The following SLC22A23 variants were observed in gnomAD, a reference collection of about 807,000 sequenced individuals.
SLC22A23 encodes ion transporter protein.
A neutral mutation model predicts 61.0 loss-of-function variants in SLC22A23; 26 were observed. That is an observed-to-expected ratio of 0.43 (90% CI 0.31 to 0.59). The LOEUF is 0.59. SLC22A23 is among the 20% of genes least tolerant of loss of function. The pLI, the probability that SLC22A23 is intolerant of heterozygous loss-of-function variation, is 0.11. For missense variants in SLC22A23, 796 were observed against 934.7 expected (o/e 0.85, Z 1.94); for synonymous variants, 430 against 413.9 (o/e 1.04, Z -0.47).
At chr6:3,404,059 C>T (rs1272134241) in intron 3 of SLC22A23, among the ~76,000 whole-genome samples, 1 of 152,190 alleles carries the variant, frequency 6.6e-6, no homozygotes, top group Non-Finnish European at 1.5e-5. Context: ...AGACACACTA[C>T]TGAAATTCCA....
At chr6:3,359,159 T>G (rs1161964787) in intron 3 of SLC22A23, among the ~76,000 whole-genome samples, 1 of 152,030 alleles carries the variant, frequency 6.6e-6, no homozygotes, top group East Asian at 1.9e-4. Context: ...TCATTTCAAC[T>G]AAGAAAAAGA....
chr6:3,417,700 T>C (rs1400640974), intron 1 of SLC22A23, among the ~76,000 whole-genome samples: 1 of 152,338 alleles, frequency 6.6e-6, no homozygotes, highest in Non-Finnish European at 1.5e-5. Flanking sequence ...CTCTGAGAAC[T>C]ACTGGCCAAC....
intron 5 of SLC22A23, chr6:3,290,138 T>C (rs1760444222): frequency 1.9e-6 from 1 of 513,994 alleles, no homozygotes; most frequent in Non-Finnish European, 3.5e-6. Context: ...CAAACCCTTG[T>C]TTTGGAACCA....
intron 1 of SLC22A23, among the ~76,000 whole-genome samples, chr6:3,422,769 GCTC>G (rs1453984437): frequency 5.9e-5 from 9 of 151,984 alleles, no homozygotes; most frequent in Non-Finnish European, 1.3e-4. Flanking sequence ...TGCTCAAATT[GCTC>G]CTCATCTTTC....
intron 1 of SLC22A23, among the ~76,000 whole-genome samples, chr6:3,441,286 C>T (rs1219424075): frequency 6.6e-6 from 1 of 152,140 alleles, no homozygotes; most frequent in African/African-American, 2.4e-5. Context: ...CCCTTCTCTC[C>T]TGGATCTCTC....
chr6:3,284,447 G>A (rs772365309), intron 8 of SLC22A23, among the ~76,000 whole-genome samples: 3 of 152,222 alleles, frequency 2.0e-5, no homozygotes, highest in Admixed American at 1.3e-4. Context: ...CAAAGCCCTC[G>A]TAAATGGCAC....
rs943271938 is a variant in SLC22A23 at position 3,387,368 on chromosome 6, G to C, written c.913+22820C>G. Among the ~76,000 whole-genome samples, 1 of 152,102 alleles carries C rather than the reference G, an allele frequency of 6.6e-6. No individual in the cohort carries two copies. Among genetic ancestry groups the C allele is most frequent in the African/African-American group, 2.4e-5 (1 of 41,388 alleles). ...AGTATCAGACAGACCCACATCGAGG[G>C]GCATTCTGCAAAATACCAACCCGTT... On this transcript the variant is annotated intron_variant, in intron 3 of 9. Transcript: ENST00000406686. This position sits in a 1 kb window ranked among gnomAD's most constrained non-coding sequence, Gnocchi z 5.0.
At chr6:3,395,753 C>CA (rs1384076404) in intron 3 of SLC22A23, among the ~76,000 whole-genome samples, 1 of 152,156 alleles carries the variant, frequency 6.6e-6, no homozygotes. Flanking sequence ...TTACTCAAGT[C>CA]AAAATGCCAA....
At chr6:3,435,281 T>C (rs765122100) in intron 1 of SLC22A23, among the ~76,000 whole-genome samples, 8 of 151,758 alleles carry the variant, frequency 5.3e-5, no homozygotes, top group African/African-American at 1.9e-4. Context: ...GAACTCTTCC[T>C]CCCCTCCCTT....
chr6:3,336,169 T>C (rs1288858837), intron 3 of SLC22A23, among the ~76,000 whole-genome samples: 1 of 152,036 alleles, frequency 6.6e-6, no homozygotes, highest in Admixed American at 6.5e-5. Flanking sequence ...ACACACAGAT[T>C]TGCACCTCAC....
At chr6:3,399,638 T>C (rs867859261) in intron 3 of SLC22A23, among the ~76,000 whole-genome samples, 2 of 152,228 alleles carry the variant, frequency 1.3e-5, no homozygotes, top group African/African-American at 4.8e-5. Flanking sequence ...TTTTTAGGGA[T>C]TAATACAAGG....
chr6:3,381,362 TG>T (rs1179845743), intron 3 of SLC22A23, among the ~76,000 whole-genome samples: 1 of 152,174 alleles, frequency 6.6e-6, no homozygotes, highest in Non-Finnish European at 1.5e-5. Context: ...CTGATCTTTT[TG>T]GGGACCTTTC....
At chr6:3,279,172 TTTTA>T (rs565089627) in intron 9 of SLC22A23, among the ~76,000 whole-genome samples, 97 of 152,242 alleles carry the variant, frequency 6.4e-4, no homozygotes, top group African/African-American at 2.1e-3. Context: ...GAATATATCT[TTTTA>T]TTTTTTTCTG....
At chr6:3,347,383 C>T (rs1228163403) in intron 3 of SLC22A23, among the ~76,000 whole-genome samples, 5 of 152,110 alleles carry the variant, frequency 3.3e-5, no homozygotes, top group African/African-American at 1.2e-4. Flanking sequence ...TGAGTGTTGG[C>T]GGCTGACCTG....
At chr6:3,447,207 G>A (rs1771938630) in intron 1 of SLC22A23, among the ~76,000 whole-genome samples, 1 of 152,138 alleles carries the variant, frequency 6.6e-6, no homozygotes, top group African/African-American at 2.4e-5. Context: ...ACACCACAGG[G>A]CCTTTGCAAG....
At position 3,328,754 on chromosome 6, in the gene SLC22A23, C is replaced by G. The variant is rs927326219; in HGVS notation, c.914-4752G>C. 2.6e-5 allele frequency among the ~76,000 whole-genome samples: 4 copies of G among 152,088 alleles called. No homozygotes were observed. The highest frequency in any genetic ancestry group is 9.7e-5 in the African/African-American group (4 of 41,406). On this transcript the variant is annotated intron_variant, in intron 3 of 9. Transcript: ENST00000406686. This position sits in a 1 kb window ranked among gnomAD's most constrained non-coding sequence, Gnocchi z 5.0. Reference sequence around the variant, plus strand: ...TGGCCACCCCTCACAGTCGTGTGGGCCAATTCCTCGCAGAAAATCTCTAAA... The same window carrying G: ...TGGCCACCCCTCACAGTCGTGTGGGGCAATTCCTCGCAGAAAATCTCTAAA...
At chr6:3,323,198 A>AG (rs1431756088) in intron 4 of SLC22A23, 1 of 455,202 alleles carries the variant, frequency 2.2e-6, no homozygotes, top group Admixed American at 2.4e-5. Flanking sequence ...GATATTGAGC[A>AG]GGGGTGGGCA....
At position 3,345,645 on chromosome 6, in the gene SLC22A23, G is replaced by A. The variant is rs1011360432; in HGVS notation, c.914-21643C>T. On this transcript the variant is annotated intron_variant, in intron 3 of 9. Transcript: ENST00000406686. ...CTGCCAAAGTGCTGGGATTACAGGT[G>A]TGAGCCACCACACCCCACCCTAGTA... 4.6e-5 allele frequency among the ~76,000 whole-genome samples: 7 copies of A among 152,220 alleles called. 1 individual carries two copies. The East Asian group carries it at 1.4e-3, about 29-fold the overall frequency.
chr6:3,405,523 G>A (rs1768760532), intron 3 of SLC22A23, among the ~76,000 whole-genome samples: 1 of 152,052 alleles, frequency 6.6e-6, no homozygotes, highest in Non-Finnish European at 1.5e-5. Context: ...AGCCCACAAG[G>A]TAGCTGAAGC....
Sources: gnomAD v4.1 joint callset for allele counts (sites outside exome capture counted in the v4.1 genomes callset) on GRCh38, gnomAD v4.1.1 for gene constraint, Gnocchi (gnomAD v3.1) non-coding constraint, MANE v1.5 for transcripts, NCBI Gene and HGNC (gene_info 2026-07-23, HGNC 2026-07-21) for gene names.